Variants in IMMP2L observed in about 807,000 individuals in gnomAD.
The protein encoded by IMMP2L is inner mitochondrial membrane peptidase subunit 2, also known as mitochondrial inner membrane protease subunit 2.
IMMP2L carries 18 observed loss-of-function variants against 19.3 expected under a neutral mutation model. The observed-to-expected ratio is 0.93, with a 90% CI of 0.64 to 1.38. The LOEUF is 1.38. Among genes scored for constraint, IMMP2L ranks in the 40% most tolerant of loss-of-function variants. The pLI is 0.00. For synonymous variants in IMMP2L, 76 were observed against 73.0 expected (o/e 1.04, Z -0.21); for missense variants, 233 against 218.2 (o/e 1.07, Z -0.43).
intron 3 of IMMP2L, among the ~76,000 whole-genome samples, chr7:111,220,148 C>T (rs1812360007): frequency 6.6e-6 from 1 of 151,996 alleles, no homozygotes; most frequent in Non-Finnish European, 1.5e-5. Flanking sequence ...GAACAAACCA[C>T]TTACCACACC....
chr7:110,780,830 C>T (rs1319803218), intron 5 of IMMP2L, among the ~76,000 whole-genome samples: 1 of 151,758 alleles, frequency 6.6e-6, no homozygotes, highest in Non-Finnish European at 1.5e-5. Flanking sequence ...AGAACAGGCT[C>T]AGAGTGCCAG....
chr7:111,335,323 T>A (rs189740712), intron 3 of IMMP2L, among the ~76,000 whole-genome samples: 1 of 152,160 alleles, frequency 6.6e-6, no homozygotes, highest in East Asian at 1.9e-4. Flanking sequence ...ATTATAAGCC[T>A]GGAGAGTCCC....
intron 2 of IMMP2L, among the ~76,000 whole-genome samples, chr7:111,510,167 G>A (rs1291877909): frequency 6.6e-6 from 1 of 152,112 alleles, no homozygotes; most frequent in Non-Finnish European, 1.5e-5. Context: ...AAAAGCAGAG[G>A]AGAAAAGGTA....
intron 3 of IMMP2L, among the ~76,000 whole-genome samples, chr7:111,031,405 T>TGG: frequency 1.1e-5 from 1 of 94,060 alleles, no homozygotes; most frequent in Admixed American, 1.0e-4. Context: ...TGTGTGTGTG[T>TGG]GTGAGAGAAA....
At chr7:111,250,012 G>A (rs775415124) in intron 3 of IMMP2L, among the ~76,000 whole-genome samples, 14 of 152,102 alleles carry the variant, frequency 9.2e-5, no homozygotes, top group Non-Finnish European at 1.6e-4. Context: ...AAACCCCACC[G>A]TCTCAGCCCA....
At chr7:110,798,776 T>C (rs939094372) in intron 5 of IMMP2L, among the ~76,000 whole-genome samples, 2 of 151,828 alleles carry the variant, frequency 1.3e-5, no homozygotes, top group African/African-American at 4.8e-5. Context: ...TCAGTTCTTA[T>C]TATCTGATTA....
At chr7:111,157,199 A>G (rs114017211) in intron 3 of IMMP2L, among the ~76,000 whole-genome samples, 2 of 152,104 alleles carry the variant, frequency 1.3e-5, no homozygotes, top group Non-Finnish European at 2.9e-5. Flanking sequence ...TAGAACTACC[A>G]TATGATCCAG....
chr7:111,419,370 C>T (rs540494936), intron 3 of IMMP2L, among the ~76,000 whole-genome samples: 1 of 151,540 alleles, frequency 6.6e-6, no homozygotes, highest in South Asian at 2.1e-4. Context: ...AATTTCTTAC[C>T]TAAGAGGATT....
chr7:111,067,822 A>G (rs1220104200), intron 3 of IMMP2L, among the ~76,000 whole-genome samples: 1 of 152,218 alleles, frequency 6.6e-6, no homozygotes, highest in Non-Finnish European at 1.5e-5. Flanking sequence ...AGGCCAAAGA[A>G]AAATTGACAA....
chr7:111,413,368 A>C (rs1834619438), intron 3 of IMMP2L, among the ~76,000 whole-genome samples: 2 of 152,108 alleles, frequency 1.3e-5, no homozygotes, highest in African/African-American at 2.4e-5. Context: ...TGAAGCCACC[A>C]AGCCTCCAAA....
chr7:111,073,704 G>C (rs1051405834), intron 3 of IMMP2L, among the ~76,000 whole-genome samples: 1 of 152,072 alleles, frequency 6.6e-6, no homozygotes, highest in Non-Finnish European at 1.5e-5. Flanking sequence ...TCCCTTGAGA[G>C]GCATCTTCTG....
intron 3 of IMMP2L, among the ~76,000 whole-genome samples, chr7:111,155,703 C>A (rs1465790262): frequency 6.6e-6 from 1 of 151,606 alleles, no homozygotes; most frequent in Non-Finnish European, 1.5e-5. Flanking sequence ...CACAGACAGT[C>A]ATGTTTTCTA....
chr7:111,260,049 A>C (rs570365314), intron 3 of IMMP2L, among the ~76,000 whole-genome samples: 20 of 152,162 alleles, frequency 1.3e-4, no homozygotes, highest in Non-Finnish European at 2.5e-4. Context: ...GGACCTGCCT[A>C]AGGCTGTTTT....
intron 3 of IMMP2L, among the ~76,000 whole-genome samples, chr7:111,257,169 A>G (rs566449477): frequency 1.9e-3 from 282 of 152,294 alleles, no homozygotes; most frequent in Non-Finnish European, 3.1e-3. Flanking sequence ...GTAGTGTTTC[A>G]CACAGAACTC....
At chr7:110,699,715 C>T (rs1431061257) in intron 5 of IMMP2L, among the ~76,000 whole-genome samples, 7 of 149,722 alleles carry the variant, frequency 4.7e-5, no homozygotes, top group Non-Finnish European at 5.9e-5. Flanking sequence ...TTGCAGTGAG[C>T]TGAGATTGCA....
chr7:111,430,812 A>C (rs1212361791), intron 3 of IMMP2L, among the ~76,000 whole-genome samples: 27 of 151,802 alleles, frequency 1.8e-4, no homozygotes, highest in Admixed American at 1.8e-3. Context: ...AGACACTATT[A>C]AAGTTAAATA....
At chr7:111,489,201 G>A (rs570873246) in intron 2 of IMMP2L, among the ~76,000 whole-genome samples, 32 of 151,678 alleles carry the variant, frequency 2.1e-4, no homozygotes, top group African/African-American at 7.7e-4. Context: ...CTGCCATCAC[G>A]CCCAGCTAAT....
chr7:110,884,893 C>T (rs116765301), intron 5 of IMMP2L, among the ~76,000 whole-genome samples: 2,693 of 151,974 alleles, frequency 0.018, 81 homozygotes, highest in African/African-American at 0.062. Context: ...TTCCTAAAGT[C>T]ATCTTCCACA....
In IMMP2L at chr7:111,251,996, G is replaced by GA. The variant is rs1418542383; in HGVS notation, c.239+235241dup. Reference sequence around the variant, plus strand: ...AGGTTTACCTAATAAACTCTCTCCTGAAAAAAAATTCTCATGTCACTGAAA... The same window carrying GA: ...AGGTTTACCTAATAAACTCTCTCCTGAAAAAAAAATTCTCATGTCACTGAAA... On this transcript the variant is annotated intron_variant, in intron 3 of 5. Coordinates refer to ENST00000405709, the MANE Select transcript of IMMP2L (RefSeq NM_032549.4). Among the ~76,000 whole-genome samples the GA allele has an allele frequency of 5.3e-5, 8 of 151,454 alleles. No homozygotes were observed. In the South Asian group the frequency reaches 1.7e-3, roughly 32 times the overall value.
Sources: allele counts gnomAD v4.1 joint callset (sites outside exome capture counted in the v4.1 genomes callset), GRCh38; gene constraint gnomAD v4.1.1; transcripts MANE v1.5; gene names NCBI Gene and HGNC (gene_info 2026-07-23, HGNC 2026-07-21).